Variants in PRSS23 observed in about 807,000 individuals in gnomAD.
PRSS23 encodes serine protease 23.
A neutral mutation model predicts 34.7 loss-of-function variants in PRSS23; 25 were observed. The observed-to-expected ratio is 0.72, with a 90% CI of 0.53 to 1.01. The LOEUF (loss-of-function observed/expected upper bound fraction) is 1.01. Among genes scored for constraint, PRSS23 ranks in the 50% least tolerant of loss-of-function variants. The pLI, the probability that PRSS23 is intolerant of heterozygous loss-of-function variation, is 0.00. For missense variants in PRSS23, 445 were observed against 475.6 expected, an observed-to-expected ratio of 0.94 and a Z score of 0.60; for synonymous variants, 176 against 186.6, an observed-to-expected ratio of 0.94 and a Z score of 0.46.
At chr11:86,856,547 G>C (rs76410055) in intron 2 of PRSS23, among the ~76,000 whole-genome samples, 4,112 of 152,160 alleles carry the variant, frequency 0.027, 203 homozygotes, top group African/African-American at 0.093. Context: ...AAAAGGATGT[G>C]AATTTGATGT....
chr11:86,929,981 G>A, intron 2 of PRSS23, among the ~76,000 whole-genome samples: 1 of 152,134 alleles, frequency 6.6e-6, no homozygotes, highest in East Asian at 1.9e-4. Context: ...ATTAGTATTA[G>A]CAATACTAAT....
chr11:86,926,692 C>G (rs996164649), intron 2 of PRSS23, among the ~76,000 whole-genome samples: 1 of 152,146 alleles, frequency 6.6e-6, no homozygotes, highest in African/African-American at 2.4e-5. Flanking sequence ...AGTACAAAAA[C>G]CTCCATTAGG....
In PRSS23 at chr11:86,829,493, A is replaced by G. The variant is rs574936874; in HGVS notation, c.206+5900A>G. On this transcript the variant is annotated intron_variant, in intron 2 of 2. Coordinates refer to the PRSS23 transcript ENST00000533902. ...TCTGAAGCCTTCTCTCAACTCGTCA[A>G]AGTCATTCTCTGTCCAGCTTTGTTC... Among the ~76,000 whole-genome samples, 3 of 152,324 alleles carry G rather than the reference A, an allele frequency of 2.0e-5. No homozygotes were observed. The East Asian group carries it at 5.8e-4, about 29-fold the overall frequency.
In PRSS23 at chr11:86,833,414, C is replaced by G; in HGVS notation, c.206+9821C>G. ...TGCAGTTTTGGATCCTCTGAGAGTT[C>G]TAGGAGGAGGAATTTTGAAGCATCT... On this transcript the variant is annotated intron_variant, in intron 2 of 2. Transcript: ENST00000533902. The G allele has an allele frequency of 6.6e-6, 4 of 602,636 alleles. 1 individual carries two copies. The highest frequency in any genetic ancestry group is 6.1e-5 in the South Asian group (4 of 65,702). The allele number at this position is 602,636 out of a possible 1,614,324, so 37.3% of individuals were successfully genotyped here.
At chr11:86,913,992 G>A (rs936253454) in intron 2 of PRSS23, among the ~76,000 whole-genome samples, 7 of 142,050 alleles carry the variant, frequency 4.9e-5, no homozygotes, top group Non-Finnish European at 8.9e-5. Context: ...ATCACCTGAG[G>A]TCAGGAGTTT....
At chr11:86,897,829 C>G (rs535723488) in intron 2 of PRSS23, among the ~76,000 whole-genome samples, 12 of 152,178 alleles carry the variant, frequency 7.9e-5, no homozygotes, top group Non-Finnish European at 1.6e-4. Context: ...ATGGTTTTAC[C>G]TTGCTCTTTG....
downstream of PRSS23, among the ~76,000 whole-genome samples, chr11:86,813,836 G>C (rs1948196989): frequency 6.6e-6 from 1 of 152,208 alleles, no homozygotes; most frequent in Non-Finnish European, 1.5e-5. Context: ...GCTAAATGGA[G>C]AATGGATTTT....
At chr11:86,944,500 C>T (rs1178147686) in intron 2 of PRSS23, among the ~76,000 whole-genome samples, 1 of 152,128 alleles carries the variant, frequency 6.6e-6, no homozygotes, top group Non-Finnish European at 1.5e-5. Context: ...ATGGGAAGAC[C>T]TGCTGACCAA....
chr11:86,846,067 A>G (rs1404909637), intron 2 of PRSS23, among the ~76,000 whole-genome samples: 1 of 152,196 alleles, frequency 6.6e-6, no homozygotes, highest in East Asian at 1.9e-4. Context: ...AGGCAATTGT[A>G]TAATCTCACT....
chr11:86,858,903 C>G (rs2134930334), intron 2 of PRSS23, among the ~76,000 whole-genome samples: 2 of 151,170 alleles, frequency 1.3e-5, no homozygotes, highest in Middle Eastern at 3.4e-3. Context: ...TTCCTAATAT[C>G]CAAGGAGGGA....
At chr11:86,939,289 G>A (rs1020622382) in intron 2 of PRSS23, among the ~76,000 whole-genome samples, 2 of 150,984 alleles carry the variant, frequency 1.3e-5, no homozygotes, top group African/African-American at 4.9e-5. Context: ...TGTTCTGCCT[G>A]TATTCACCAC....
intron 2 of PRSS23, among the ~76,000 whole-genome samples, chr11:86,907,605 G>A (rs1223549638): frequency 6.6e-6 from 1 of 152,058 alleles, no homozygotes; most frequent in Admixed American, 6.5e-5. Context: ...GACTGCAGGT[G>A]TACACCACCA....
intron 2 of PRSS23, among the ~76,000 whole-genome samples, chr11:86,852,888 C>A (rs1306252229): frequency 6.6e-6 from 1 of 152,200 alleles, no homozygotes; most frequent in Admixed American, 6.5e-5. Flanking sequence ...GAATCTTTCT[C>A]TGTCGCCCAG....
chr11:86,929,158 C>G (rs1380812340), intron 2 of PRSS23, among the ~76,000 whole-genome samples: 1 of 151,952 alleles, frequency 6.6e-6, no homozygotes, highest in Non-Finnish European at 1.5e-5. Context: ...CCCGTCTCTA[C>G]TAAAAACACA....
At chr11:86,854,819 A>T (rs530645925) in intron 2 of PRSS23, among the ~76,000 whole-genome samples, 111 of 152,340 alleles carry the variant, frequency 7.3e-4, no homozygotes, top group African/African-American at 2.5e-3. Flanking sequence ...TCATTGGGAC[A>T]TATGTGTGGG....
At chr11:86,939,400 A>AT (rs57148859) in intron 2 of PRSS23, among the ~76,000 whole-genome samples, 718 of 64,606 alleles carry the variant, frequency 0.011, 10 homozygotes, top group African/African-American at 0.032. Flanking sequence ...AGTTAAAAAA[A>AT]AAAATATATA....
intron 2 of PRSS23, among the ~76,000 whole-genome samples, chr11:86,873,293 T>TAC (rs1565372565): frequency 2.0e-5 from 3 of 149,294 alleles, no homozygotes; most frequent in African/African-American, 7.5e-5. Context: ...TACATATATA[T>TAC]ATATTTTTTT....
intron 2 of PRSS23, chr11:86,837,576 G>A (rs911231646): frequency 3.9e-5 from 6 of 152,264 alleles, no homozygotes; most frequent in African/African-American, 1.4e-4. Flanking sequence ...AGATTATCCT[G>A]GGCAACATGG....
At chr11:86,920,793 A>G (rs1262101179) in intron 2 of PRSS23, among the ~76,000 whole-genome samples, 1 of 152,066 alleles carries the variant, frequency 6.6e-6, no homozygotes, top group African/African-American at 2.4e-5. Context: ...TCATTTCCTC[A>G]TGTTCAACCC....
Sources: gnomAD v4.1 joint callset for allele counts (sites outside exome capture counted in the v4.1 genomes callset) on GRCh38, gnomAD v4.1.1 for gene constraint, MANE v1.5 for transcripts, NCBI Gene and HGNC (gene_info 2026-07-23, HGNC 2026-07-21) for gene names.